Variants in FAM9C observed in about 807,000 individuals in gnomAD.
FAM9C encodes family with sequence similarity 9 member C, also known as protein FAM9C.
Under a neutral mutation model 14.8 loss-of-function variants are expected in FAM9C, and 15 were observed. The observed-to-expected ratio is 1.02, with a 90% CI of 0.68 to 1.56. The LOEUF (loss-of-function observed/expected upper bound fraction) is 1.56. Among genes scored for constraint, FAM9C ranks in the 40% most tolerant of loss-of-function variants. The pLI is 0.00. For missense variants in FAM9C, 116 were observed against 118.0 expected (o/e 0.98, Z 0.08); for synonymous variants, 45 against 37.5 (o/e 1.20, Z -0.74).
intron 2 of FAM9C, 84 bp downstream of exon 2, chrX:13,043,645 G>A: frequency 1.8e-6 from 2 of 1,116,618 alleles, no homozygotes; most frequent in Non-Finnish European, 2.5e-6. Context: ...CGGGGGCCTC[G>A]GGCTGCCCAT....
chrX:13,038,419 T>G lies in FAM9C; in HGVS notation c.*22A>C. 8.4e-7 allele frequency: 1 copy of G among 1,192,736 alleles called. No individual in the cohort carries two copies. Among genetic ancestry groups the G allele is most frequent in the African/African-American group, 1.8e-5 (1 of 57,065 alleles). On this transcript the variant is annotated 3_prime_UTR_variant, in exon 7 of 8. Coordinates refer to ENST00000380625, the MANE Select transcript of FAM9C (RefSeq NM_174901.6). ...TGTGTTACCAAATAGAACAGACCTTTGTGAATTGCTCGTGTGGTGGCTCAA... is the reference window on the plus strand; with the variant it reads ...TGTGTTACCAAATAGAACAGACCTTGGTGAATTGCTCGTGTGGTGGCTCAA...
chrX:13,042,240 T>TA (rs1464253639), intron 4 of FAM9C: 1 of 112,331 alleles, frequency 8.9e-6, no homozygotes, highest in Non-Finnish European at 1.9e-5. Flanking sequence ...CACAGCTTGT[T>TA]ACTGGAATAA....
At chrX:13,041,959 C>T (rs1406316699) in intron 4 of FAM9C, 74 of 112,022 alleles carry the variant, frequency 6.6e-4, no homozygotes, top group African/African-American at 2.3e-3. Flanking sequence ...TAGACAAAAC[C>T]GGCACTTTGT....
intron 4 of FAM9C, chrX:13,041,762 A>G (rs1203215833): frequency 3.6e-5 from 4 of 112,624 alleles, no homozygotes; most frequent in African/African-American, 1.3e-4. Flanking sequence ...AGCTTTTTAT[A>G]TGACATTTTT....
chrX:13,037,544 T>C (rs2043489643), intron 7 of FAM9C: 2 of 113,196 alleles, frequency 1.8e-5, no homozygotes, highest in African/African-American at 6.5e-5. Flanking sequence ...GTTTTGTGTA[T>C]AGATAATCTT....
At chrX:13,042,699 C>T (rs995258777) in intron 4 of FAM9C, 9 of 446,966 alleles carry the variant, frequency 2.0e-5, no homozygotes, top group Non-Finnish European at 3.5e-5. Flanking sequence ...AAAGAAAAGC[C>T]ACCCCTCTTG....
In FAM9C at chrX:13,038,727, C is replaced by A. The variant is rs138885685; in HGVS notation, c.439-224G>T. 6.4e-3 allele frequency among the ~76,000 whole-genome samples: 716 copies of A among 112,284 alleles called. 12 individuals are homozygous for A. Among genetic ancestry groups the A allele is most frequent in the African/African-American group, 0.021 (648 of 30,892 alleles). ...AATTTTCTTTCTTATACATATTCAA[C>A]ACATACGTCTTAATTCTTGATTTCA... On this transcript the variant is annotated intron_variant, in intron 6 of 7. Coordinates refer to ENST00000380625, the MANE Select transcript of FAM9C (RefSeq NM_174901.6).
At position 13,036,929 on chromosome X, in the gene FAM9C, A is replaced by C. The variant is rs777768982; in HGVS notation, c.*26-911T>G. 3.6e-5 allele frequency: 4 copies of C among 112,425 alleles called. No individual in the cohort carries two copies. The South Asian group carries it at 1.5e-3, about 42-fold the overall frequency. 9.3% of individuals were successfully genotyped at this position (112,425 alleles called of 1,213,427 possible). On this transcript the variant is annotated intron_variant, in intron 7 of 7. Transcript: ENST00000380625. ...AGATTTCAATCGATCAAAAAAAAAA[A>C]AGGACTTTAAAAGCATTGTGAGGGA... is the stretch of plus-strand genomic sequence containing the variant.
chrX:13,044,134 C>T lies in FAM9C; in HGVS notation c.-68-277G>A, dbSNP rs190375734. On this transcript the variant is annotated intron_variant, in intron 1 of 7. Coordinates refer to ENST00000380625, the MANE Select transcript of FAM9C (RefSeq NM_174901.6). The stretch of plus-strand genomic sequence containing the variant: ...GGGTTCCCCAGCGACCCAGTGGAGT[C>T]GGGAGGGCCGCGGGGTGACACAGGA... Among the ~76,000 whole-genome samples the T allele has an allele frequency of 3.6e-5, 4 of 111,887 alleles. No homozygotes were observed. In the East Asian group the frequency reaches 8.6e-4, roughly 24 times the overall value.
chrX:13,041,919 T>C (rs771125608), intron 4 of FAM9C: 1 of 112,245 alleles, frequency 8.9e-6, no homozygotes, highest in Non-Finnish European at 1.9e-5. Context: ...TTTTTTTACA[T>C]ACAGTATCCA....
At chrX:13,044,452 G>A (rs2043558635) in intron 1 of FAM9C, 88 bp downstream of exon 1, 1 of 110,058 alleles carries the variant, frequency 9.1e-6, no homozygotes, top group Non-Finnish European at 1.9e-5. Flanking sequence ...TTTCCTCACA[G>A]ATCAGCCTGG....
At position 13,039,876 on chromosome X, in the gene FAM9C, C is replaced by T. The variant is rs1464526818; in HGVS notation, c.370G>A (p.Val124Ile). ...TCATCTGTGATGAACTCTTCAAGGA[C>T]ATTCGGCAACTTCAGAGAAATTCTA... ...DYRISLKLPN[V>I]LEEFITDEQK... The change falls in exon 6 of 8, where the codon GTC becomes ATC. Residue 124 changes from valine (V) to isoleucine (I), a missense_variant. Coordinates refer to ENST00000380625, the MANE Select transcript of FAM9C (RefSeq NM_174901.6). 17 of 1,207,153 alleles carry T rather than the reference C, an allele frequency of 1.4e-5. No homozygotes were observed. Among genetic ancestry groups the T allele is most frequent in the Non-Finnish European group, 1.9e-5 (17 of 894,222 alleles).
At chrX:13,042,709 G>C (rs754438294) in intron 4 of FAM9C, 1 of 471,751 alleles carries the variant, frequency 2.1e-6, no homozygotes, top group Non-Finnish European at 3.7e-6. Flanking sequence ...CACCCCTCTT[G>C]CTTCACCATT....
intron 7 of FAM9C, chrX:13,036,365 T>C (rs1240857336): frequency 4.5e-5 from 5 of 112,306 alleles, no homozygotes; most frequent in Non-Finnish European, 9.4e-5. Flanking sequence ...TTAAAAACTG[T>C]AATCAGTACA....
intron 6 of FAM9C, 107 bp from the exon 7 acceptor site, chrX:13,038,610 C>G: frequency 1.5e-6 from 1 of 676,810 alleles, no homozygotes; most frequent in Non-Finnish European, 2.1e-6. Context: ...TGAACACTTT[C>G]TTTTAGACAA....
intron 3 of FAM9C, 27 bp from the exon 4 acceptor site, chrX:13,042,976 T>G (rs1481890816): frequency 8.5e-7 from 1 of 1,180,976 alleles, no homozygotes; most frequent in South Asian, 2.0e-5. Flanking sequence ...CAACACAATT[T>G]TAACATAATG....
intron 5 of FAM9C, chrX:13,040,334 G>A (rs1171189274): frequency 6.6e-6 from 5 of 760,196 alleles, no homozygotes; most frequent in Non-Finnish European, 7.8e-6. Context: ...ACTTTGGCAC[G>A]ACAATGATCT....
Position 13,043,234 on chromosome X carries a change from T to C in FAM9C, c.76A>G (p.Ser26Gly). The change falls in exon 3 of 8, where the codon AGT becomes GGT. Residue 26 changes from serine to glycine, a missense_variant. By Grantham distance (56) the Ser-to-Gly change is moderately conservative. Transcript: ENST00000380625. ...GGTTTTCTTTCCTCATGCTCATGAC[T>C]TACTGGATCCTTTCCTGCATTAAAA... Reference protein sequence around the residue: ...EMELAGKDPVSHEHEERKPVT... With the variant: ...EMELAGKDPVGHEHEERKPVT... 8.3e-7 allele frequency: 1 copy of C among 1,204,828 alleles called. No homozygotes were observed. Among genetic ancestry groups the C allele is most frequent in the Non-Finnish European group, 1.1e-6 (1 of 893,232 alleles).
At chrX:13,040,654 C>T in intron 5 of FAM9C, 104 bp downstream of exon 5, 4 of 525,300 alleles carry the variant, frequency 7.6e-6, no homozygotes, top group Non-Finnish European at 8.8e-6. Flanking sequence ...TATGTTGTTC[C>T]CTAGAGACAC....
Sources: allele counts gnomAD v4.1 joint callset (sites outside exome capture counted in the v4.1 genomes callset), GRCh38; gene constraint gnomAD v4.1.1; transcripts MANE v1.5; gene names NCBI Gene and HGNC (gene_info 2026-07-23, HGNC 2026-07-21).